Variants in ST6GALNAC5 observed in about 807,000 individuals in gnomAD.
ST6GALNAC5 encodes the protein alpha-N-acetylgalactosaminide alpha-2,6-sialyltransferase 5.
ST6GALNAC5 carries 27 observed loss-of-function variants against 33.6 expected under a neutral mutation model. The ratio of observed to expected loss-of-function variants is 0.80; its 90% CI spans 0.59 to 1.11. ST6GALNAC5 has a LOEUF of 1.11. ST6GALNAC5 is among the 50% of genes least tolerant of loss of function. The probability of loss-of-function intolerance (pLI) is 0.00; values close to 1 mark genes in which losing one functional copy is unlikely to be tolerated. For missense variants in ST6GALNAC5, 428 were observed against 454.0 expected (o/e 0.94, Z 0.52); for synonymous variants, 194 against 171.2 (o/e 1.13, Z -1.04).
chr1:76,957,976 T>C (rs1458166104), intron 2 of ST6GALNAC5, among the ~76,000 whole-genome samples: 1 of 151,994 alleles, frequency 6.6e-6, no homozygotes, highest in Non-Finnish European at 1.5e-5. Flanking sequence ...TTTTGAAGAG[T>C]CCAAGCCAGT....
At chr1:77,029,420 C>G (rs1651368939) in intron 2 of ST6GALNAC5, among the ~76,000 whole-genome samples, 1 of 152,228 alleles carries the variant, frequency 6.6e-6, no homozygotes, top group Non-Finnish European at 1.5e-5. Flanking sequence ...TTGGCTCTGT[C>G]ACGTTCAATG....
chr1:76,867,635 A>C lies in ST6GALNAC5; in HGVS notation c.-41A>C. ...ACCCTCCAGGAAAAAGTGGCCCCGGACGCGCGAGCCTGAGGATTCTGCACA... is the reference window on the plus strand; with the variant it reads ...ACCCTCCAGGAAAAAGTGGCCCCGGCCGCGCGAGCCTGAGGATTCTGCACA... On this transcript the variant is annotated 5_prime_UTR_variant, in exon 1 of 5. Transcript: ENST00000477717. 1 of 1,613,878 alleles carries C rather than the reference A, an allele frequency of 6.2e-7. No individual in the cohort carries two copies. Among genetic ancestry groups the C allele is most frequent in the East Asian group, 2.2e-5 (1 of 44,820 alleles).
intron 2 of ST6GALNAC5, among the ~76,000 whole-genome samples, chr1:76,879,966 T>A (rs1653739654): frequency 6.6e-6 from 1 of 152,184 alleles, no homozygotes; most frequent in Non-Finnish European, 1.5e-5. Flanking sequence ...TGTGTCTGTT[T>A]TCCACAATTT....
At chr1:77,014,038 C>T (rs1014179037) in intron 2 of ST6GALNAC5, among the ~76,000 whole-genome samples, 1 of 152,208 alleles carries the variant, frequency 6.6e-6, no homozygotes, top group African/African-American at 2.4e-5. Context: ...ACTTAAACCC[C>T]AGCCTCATCC....
chr1:76,928,441 C>T (rs567012059), intron 2 of ST6GALNAC5, among the ~76,000 whole-genome samples: 4 of 152,082 alleles, frequency 2.6e-5, no homozygotes, highest in South Asian at 2.1e-4. Flanking sequence ...CCTTAATATA[C>T]GTAATTCAGT....
chr1:76,887,035 A>G (rs1249811964), intron 2 of ST6GALNAC5, among the ~76,000 whole-genome samples: 1 of 152,138 alleles, frequency 6.6e-6, no homozygotes, highest in Non-Finnish European at 1.5e-5. Context: ...TTCATTTTGT[A>G]AAGTAACCCC....
chr1:76,946,778 T>C (rs775817973), intron 2 of ST6GALNAC5, among the ~76,000 whole-genome samples: 5 of 152,144 alleles, frequency 3.3e-5, no homozygotes, highest in Admixed American at 6.6e-5. Flanking sequence ...ATGCATTCTG[T>C]GAATATAAGG....
intron 2 of ST6GALNAC5, among the ~76,000 whole-genome samples, chr1:76,950,290 G>A (rs1387653345): frequency 1.3e-5 from 2 of 152,094 alleles, no homozygotes; most frequent in East Asian, 3.9e-4. Context: ...ACAGTGACAT[G>A]ATAATGGTAC....
At chr1:76,917,791 G>C (rs1383888030) in intron 2 of ST6GALNAC5, among the ~76,000 whole-genome samples, 1 of 152,098 alleles carries the variant, frequency 6.6e-6, no homozygotes, top group Admixed American at 6.6e-5. Context: ...CTGATACAAA[G>C]GCTAGTAGGC....
chr1:76,993,797 T>C (rs1435987837), intron 2 of ST6GALNAC5, among the ~76,000 whole-genome samples: 1 of 152,192 alleles, frequency 6.6e-6, no homozygotes, highest in Non-Finnish European at 1.5e-5. Context: ...TCCTCTTTCT[T>C]TCATTAAGCT....
intron 2 of ST6GALNAC5, among the ~76,000 whole-genome samples, chr1:76,925,246 G>A (rs2100302235): frequency 6.6e-6 from 1 of 152,118 alleles, no homozygotes; most frequent in South Asian, 2.1e-4. Context: ...CTCCCAGCAG[G>A]CCTCACCTCC....
intron 2 of ST6GALNAC5, among the ~76,000 whole-genome samples, chr1:76,983,544 G>A (rs898703504): frequency 1.3e-5 from 2 of 152,142 alleles, no homozygotes; most frequent in African/African-American, 4.8e-5. Context: ...AAGAGACTTA[G>A]ACTCCCACAC....
chr1:76,912,252 T>A (rs868701402), intron 2 of ST6GALNAC5, among the ~76,000 whole-genome samples: 4 of 152,228 alleles, frequency 2.6e-5, no homozygotes, highest in Non-Finnish European at 4.4e-5. Context: ...AGTTTCTTAA[T>A]CCTGAGTTCT....
intron 2 of ST6GALNAC5, among the ~76,000 whole-genome samples, chr1:77,023,325 C>G (rs535628994): frequency 3.7e-4 from 56 of 152,216 alleles, no homozygotes; most frequent in Admixed American, 2.6e-4. Flanking sequence ...ATATAACAAA[C>G]TAAAACCCCC....
intron 2 of ST6GALNAC5, among the ~76,000 whole-genome samples, chr1:77,000,763 G>T (rs925252002): frequency 1.5e-4 from 22 of 151,502 alleles, no homozygotes; most frequent in South Asian, 4.2e-4. Context: ...TTTCCCCATT[G>T]CTTGTTTTTC....
At chr1:77,009,418 G>A (rs1002485841) in intron 2 of ST6GALNAC5, among the ~76,000 whole-genome samples, 8 of 152,218 alleles carry the variant, frequency 5.3e-5, no homozygotes, top group Middle Eastern at 3.4e-3. Flanking sequence ...AACATGGCAC[G>A]CAGGGAGAGG....
chr1:76,996,985 G>T (rs1649963212), intron 2 of ST6GALNAC5, among the ~76,000 whole-genome samples: 1 of 152,120 alleles, frequency 6.6e-6, no homozygotes, highest in Non-Finnish European at 1.5e-5. Context: ...TCTCAGAAGG[G>T]TCAGTTTCAG....
rs559633986 is a variant in ST6GALNAC5 at position 76,978,256 on chromosome 1, C to A, written c.262-65948C>A. Reference sequence around the variant, plus strand: ...TAGATGCATAGTTCACACATACTTTCTCCTATTCTGTAGGTTGTTTTTTCA... The same window carrying A: ...TAGATGCATAGTTCACACATACTTTATCCTATTCTGTAGGTTGTTTTTTCA... On this transcript the variant is annotated intron_variant, in intron 2 of 4. Transcript: ENST00000477717. 5.3e-5 allele frequency among the ~76,000 whole-genome samples: 8 copies of A among 152,282 alleles called. No homozygotes were observed. In the South Asian group the frequency reaches 1.0e-3, roughly 20 times the overall value.
chr1:77,023,535 T>C (rs1651127736), intron 2 of ST6GALNAC5, among the ~76,000 whole-genome samples: 1 of 152,026 alleles, frequency 6.6e-6, no homozygotes, highest in Non-Finnish European at 1.5e-5. Context: ...GGCATGGAGC[T>C]ATAATGTCCA....
Sources: allele counts gnomAD v4.1 joint callset (sites outside exome capture counted in the v4.1 genomes callset), GRCh38; gene constraint gnomAD v4.1.1; transcripts MANE v1.5; gene names NCBI Gene and HGNC (gene_info 2026-07-23, HGNC 2026-07-21).